C7orf33: variants seen among roughly 807,000 people sequenced by gnomAD.
C7orf33 encodes uncharacterized protein C7orf33.
Under a neutral mutation model 13.4 loss-of-function variants are expected in C7orf33, and 15 were observed. The observed-to-expected ratio is 1.12, with a 90% confidence interval of 0.75 to 1.72. C7orf33 has a LOEUF of 1.72. Ranked by LOEUF, C7orf33 falls within the 40% of genes most tolerant of loss-of-function variation. C7orf33 has a pLI of 0.00. For synonymous variants in C7orf33, 73 were observed against 83.2 expected (o/e 0.88, Z 0.67); for missense variants, 187 against 220.3 (o/e 0.85, Z 0.96).
intron 1 of C7orf33, among the ~76,000 whole-genome samples, chr7:148,603,013 C>A (rs1796433611): frequency 6.6e-6 from 1 of 152,086 alleles, no homozygotes; most frequent in Non-Finnish European, 1.5e-5. Flanking sequence ...CAAATGAAAC[C>A]ATCCCAAAAA....
intron 1 of C7orf33, 131 bp downstream of exon 1, chr7:148,591,260 GAAGTA>G (rs950708343): frequency 9.1e-6 from 7 of 765,806 alleles, no homozygotes; most frequent in Non-Finnish European, 1.5e-5. Flanking sequence ...TAACGACATT[GAAGTA>G]AAGAGAGAGA....
At chr7:148,613,779 A>C (rs984355020) in intron 1 of C7orf33, among the ~76,000 whole-genome samples, 13 of 152,244 alleles carry the variant, frequency 8.5e-5, no homozygotes, top group African/African-American at 3.1e-4. Context: ...TAACCACTGT[A>C]AACCTTGAAT....
intron 2 of C7orf33, among the ~76,000 whole-genome samples, chr7:148,614,925 G>T (rs571277512): frequency 2.0e-5 from 3 of 152,164 alleles, no homozygotes; most frequent in Non-Finnish European, 4.4e-5. Flanking sequence ...ATGAAAAGTT[G>T]CATGGAAAAT....
At chr7:148,593,485 G>A (rs910725133) in intron 1 of C7orf33, among the ~76,000 whole-genome samples, 9 of 151,646 alleles carry the variant, frequency 5.9e-5, no homozygotes, top group Admixed American at 1.3e-4. Flanking sequence ...GGCTGGTCTC[G>A]AACTCCTGAC....
rs569265130 is a variant in C7orf33 at position 148,607,464 on chromosome 7, G to A, written c.205-6578G>A. Among the ~76,000 whole-genome samples the A allele has an allele frequency of 3.9e-5, 6 of 152,292 alleles. No individual in the cohort carries two copies. The South Asian group carries it at 8.3e-4, about 21-fold the overall frequency. ...TGGCATGTTCTGGACTCCCACACAT[G>A]TCTGGAAGCAATGGTCAATTTCCCT... is the stretch of plus-strand genomic sequence containing the variant. On this transcript the variant is annotated intron_variant, in intron 1 of 2. Coordinates refer to ENST00000307003, the MANE Select transcript of C7orf33 (RefSeq NM_145304.4).
intron 1 of C7orf33, among the ~76,000 whole-genome samples, chr7:148,603,907 G>A (rs1021497516): frequency 7.9e-5 from 12 of 152,050 alleles, no homozygotes; most frequent in Non-Finnish European, 1.3e-4. Context: ...TCTACCCAGA[G>A]GAAAAGAAGT....
At chr7:148,614,342 C>T (rs1449651133) in intron 2 of C7orf33, 46 bp downstream of exon 2, 9 of 1,574,428 alleles carry the variant, frequency 5.7e-6, no homozygotes, top group Middle Eastern at 1.7e-4. Flanking sequence ...AGGAAACCCA[C>T]GGGATGCTCT....
chr7:148,612,344 T>A (rs536344307), intron 1 of C7orf33, among the ~76,000 whole-genome samples: 10 of 152,354 alleles, frequency 6.6e-5, no homozygotes, highest in African/African-American at 2.2e-4. Context: ...CTTGAAGAGC[T>A]AGATATTTCT....
intron 1 of C7orf33, among the ~76,000 whole-genome samples, chr7:148,598,759 TATATAGAGAGAGAG>T (rs1382340893): frequency 3.5e-3 from 116 of 32,842 alleles, no homozygotes; most frequent in South Asian, 4.6e-3. Context: ...TATATATATA[TATATAGAGAGAGAG>T]AGAGAGAGAG....
chr7:148,615,402 G>C lies in C7orf33; in HGVS notation c.*1G>C. ...GATTTCCAGAACTGACAGCAGTTAA[G>C]AATTTTGCAGAATCTAAGAGTCACA... On this transcript the variant is annotated 3_prime_UTR_variant, in exon 3 of 3. Coordinates refer to ENST00000307003, the MANE Select transcript of C7orf33 (RefSeq NM_145304.4). 6.2e-7 allele frequency: 1 copy of C among 1,600,512 alleles called. No homozygotes were observed. The highest frequency in any genetic ancestry group is 8.6e-7 in the Non-Finnish European group (1 of 1,167,626).
chr7:148,593,157 A>G (rs1364071254), intron 1 of C7orf33, among the ~76,000 whole-genome samples: 1 of 152,196 alleles, frequency 6.6e-6, no homozygotes, highest in Non-Finnish European at 1.5e-5. Flanking sequence ...TTTAAATCTA[A>G]TTAGATCACT....
intron 1 of C7orf33, among the ~76,000 whole-genome samples, chr7:148,606,933 T>TGCACACACACACACAC (rs1554449221): frequency 7.2e-6 from 1 of 139,232 alleles, no homozygotes; most frequent in East Asian, 2.1e-4. Context: ...AAAAAAAAAA[T>TGCACACACACACACAC]ACACACACAC....
At chr7:148,614,988 A>G (rs57385374) in intron 2 of C7orf33, among the ~76,000 whole-genome samples, 3,934 of 152,336 alleles carry the variant, frequency 0.026, 182 homozygotes, top group African/African-American at 0.089. Flanking sequence ...AGATGAAGTA[A>G]GTGAAATTGA....
chr7:148,592,594 A>C (rs1299751033), intron 1 of C7orf33, among the ~76,000 whole-genome samples: 2 of 151,028 alleles, frequency 1.3e-5, no homozygotes, highest in African/African-American at 4.9e-5. Context: ...GGCTCACTAC[A>C]ACCTCTGCCT....
chr7:148,614,165 G>T lies in C7orf33; in HGVS notation c.328G>T (p.Val110Phe). ...SQGPTDAQRA[V>F]RIRPGTRMGL... The stretch of plus-strand genomic sequence containing the variant: ...AGGTCCCACGGATGCCCAGAGAGCA[G>T]TCAGAATCAGGCCAGGCACCAGGAT... Residue 110 changes from valine (V) to phenylalanine (F), a missense_variant, in exon 2 of 3, where the codon GTC (valine) becomes TTC (phenylalanine). Physicochemically the swap from Val to Phe is conservative, Grantham distance 50. Transcript: ENST00000307003. 6.2e-7 allele frequency: 1 copy of T among 1,614,222 alleles called. No homozygotes were observed. The highest frequency in any genetic ancestry group is 1.3e-5 in the African/African-American group (1 of 75,046).
chr7:148,610,570 T>C (rs1456638557), intron 1 of C7orf33, among the ~76,000 whole-genome samples: 1 of 152,148 alleles, frequency 6.6e-6, no homozygotes, highest in Admixed American at 6.6e-5. Context: ...CCCCTTCATA[T>C]AATATTTTAT....
intron 1 of C7orf33, among the ~76,000 whole-genome samples, chr7:148,607,133 G>A (rs1345989554): frequency 1.3e-5 from 2 of 152,142 alleles, no homozygotes; most frequent in Non-Finnish European, 2.9e-5. Flanking sequence ...TTAGAGAAGT[G>A]ACAGGACAAA....
chr7:148,614,367 A>T lies in C7orf33; in HGVS notation c.459+71A>T, dbSNP rs188854544. The T allele has an allele frequency of 5.9e-5, 89 of 1,496,784 alleles. 1 individual carries two copies. The highest frequency in any genetic ancestry group is 7.8e-5 in the Non-Finnish European group (85 of 1,096,266). 92.7% of individuals were successfully genotyped at this position (1,496,784 alleles called of 1,614,324 possible). A position where few individuals can be genotyped will look rare whatever the true frequency, so the allele number is the denominator to read the frequency against. On this transcript the variant is annotated intron_variant, in intron 2 of 2. Transcript: ENST00000307003. ...CGGGATGCTCTGAAACTTCCATGAAAATGAAGATTGGAGGGATTGTTGCAT... is the reference window on the plus strand; with the variant it reads ...CGGGATGCTCTGAAACTTCCATGAATATGAAGATTGGAGGGATTGTTGCAT...
intron 1 of C7orf33, among the ~76,000 whole-genome samples, chr7:148,606,419 A>G (rs1284833122): frequency 6.6e-6 from 1 of 152,122 alleles, no homozygotes; most frequent in Non-Finnish European, 1.5e-5. Flanking sequence ...TGGAACCTAC[A>G]ACATATACTT....
Sources: allele counts gnomAD v4.1 joint callset (sites outside exome capture counted in the v4.1 genomes callset), GRCh38; gene constraint gnomAD v4.1.1; transcripts MANE v1.5; gene names NCBI Gene and HGNC (gene_info 2026-07-23, HGNC 2026-07-21).